The following SPATS2L variants were observed in gnomAD, a reference collection of about 807,000 sequenced individuals.
SPATS2L encodes the protein SPATS2-like protein.
In SPATS2L, 30 loss-of-function variants were observed where a neutral mutation model predicts 59.6. That is an observed-to-expected ratio of 0.50 (90% CI 0.38 to 0.68). SPATS2L has a LOEUF of 0.68. Among genes scored for constraint, SPATS2L ranks in the 30% least tolerant of loss-of-function variants. The pLI, the probability that SPATS2L is intolerant of heterozygous loss-of-function variation, is 0.00. For synonymous variants in SPATS2L, 252 were observed against 263.5 expected (o/e 0.96, Z 0.42); for missense variants, 615 against 700.0 (o/e 0.88, Z 1.37).
intron 6 of SPATS2L, among the ~76,000 whole-genome samples, chr2:200,421,477 A>G (rs139359687): frequency 2.0e-5 from 3 of 152,358 alleles, no homozygotes; most frequent in Non-Finnish European, 4.4e-5. Context: ...AAATGGTGAC[A>G]TGTACCAAAT....
At chr2:200,396,885 G>C (rs1433400191) in intron 3 of SPATS2L, among the ~76,000 whole-genome samples, 2 of 152,072 alleles carry the variant, frequency 1.3e-5, no homozygotes, top group African/African-American at 4.8e-5. Flanking sequence ...CATAGGAAAG[G>C]GTCATTAAAT....
At chr2:200,373,285 AAAAAAAAG>A (rs2081491887) in intron 2 of SPATS2L, 1 of 151,748 alleles carries the variant, frequency 6.6e-6, no homozygotes, top group South Asian at 2.1e-4. Context: ...AAAAAAAAAA[AAAAAAAAG>A]AACAAAACTG....
chr2:200,351,834 C>G (rs1235809738), intron 2 of SPATS2L, among the ~76,000 whole-genome samples: 3 of 152,102 alleles, frequency 2.0e-5, no homozygotes, highest in Non-Finnish European at 2.9e-5. Flanking sequence ...TATAAATCCC[C>G]TGCTCCTTGA....
intron 10 of SPATS2L, 114 bp from the exon 11 acceptor site, chr2:200,469,798 TCC>T: frequency 1.3e-6 from 1 of 741,298 alleles, no homozygotes; most frequent in African/African-American, 1.8e-5. Context: ...GCTGGAAAGA[TCC>T]CCACCAGGTC....
chr2:200,341,336 C>T (rs758450629), intron 2 of SPATS2L, among the ~76,000 whole-genome samples: 3 of 152,188 alleles, frequency 2.0e-5, no homozygotes, highest in Non-Finnish European at 2.9e-5. Flanking sequence ...TCAAGTGTGT[C>T]ATAGAACCTC....
chr2:200,436,477 C>T lies in SPATS2L; in HGVS notation c.446-2645C>T, dbSNP rs539511201. Among the ~76,000 whole-genome samples the T allele has an allele frequency of 8.5e-5, 13 of 152,084 alleles. No individual in the cohort carries two copies. In the South Asian group the frequency reaches 2.7e-3, roughly 32 times the overall value. ...TTCAGTGATTTCACTAGTAATGAGA[C>T]AGCTTTTGAGGACCTAAAAAAAATC... On this transcript the variant is annotated intron_variant, in intron 6 of 12. Coordinates refer to ENST00000409140, the MANE Select transcript of SPATS2L (RefSeq NM_001100423.2).
chr2:200,335,767 G>T (rs777367608), intron 2 of SPATS2L, among the ~76,000 whole-genome samples: 2 of 152,178 alleles, frequency 1.3e-5, no homozygotes, highest in Non-Finnish European at 2.9e-5. Flanking sequence ...GGTAGGAAAA[G>T]AAATTGATTA....
intron 8 of SPATS2L, among the ~76,000 whole-genome samples, chr2:200,455,754 C>T (rs1275329115): frequency 6.6e-6 from 1 of 152,144 alleles, no homozygotes; most frequent in Non-Finnish European, 1.5e-5. Flanking sequence ...TTGCCAAGTG[C>T]CCTCTGTCCT....
intron 2 of SPATS2L, among the ~76,000 whole-genome samples, chr2:200,364,450 G>A (rs1433049800): frequency 1.3e-5 from 2 of 152,148 alleles, no homozygotes; most frequent in African/African-American, 4.8e-5. Context: ...TTCCCACTGA[G>A]TGCCCTGTTC....
chr2:200,465,994 G>T (rs577654847), intron 9 of SPATS2L, among the ~76,000 whole-genome samples: 25 of 152,278 alleles, frequency 1.6e-4, no homozygotes, highest in Non-Finnish European at 2.6e-4. Flanking sequence ...ATCATGCCAC[G>T]GCACTCCAGC....
chr2:200,341,601 A>C (rs1266162785), intron 2 of SPATS2L, among the ~76,000 whole-genome samples: 2 of 152,100 alleles, frequency 1.3e-5, no homozygotes, highest in Admixed American at 6.6e-5. Context: ...TTTTGAAACC[A>C]CAGGAAGACC....
At chr2:200,433,899 C>T (rs973354412) in intron 6 of SPATS2L, among the ~76,000 whole-genome samples, 2 of 151,970 alleles carry the variant, frequency 1.3e-5, no homozygotes, top group Admixed American at 1.3e-4. Flanking sequence ...CAATCTTAAA[C>T]AGTTTCAGAA....
chr2:200,362,760 G>A (rs983355481), intron 2 of SPATS2L, among the ~76,000 whole-genome samples: 1 of 144,818 alleles, frequency 6.9e-6, no homozygotes, highest in African/African-American at 2.5e-5. Flanking sequence ...AGTTCAGCTA[G>A]GGGACTAGTA....
intron 2 of SPATS2L, among the ~76,000 whole-genome samples, chr2:200,341,686 C>T (rs989091694): frequency 1.3e-4 from 18 of 140,086 alleles, no homozygotes; most frequent in African/African-American, 4.5e-4. Flanking sequence ...GCAAAATTAA[C>T]TATAATTTTT....
intron 2 of SPATS2L, among the ~76,000 whole-genome samples, chr2:200,371,948 G>A (rs548217598): frequency 3.3e-5 from 5 of 152,298 alleles, no homozygotes; most frequent in African/African-American, 7.2e-5. Flanking sequence ...TAACAAAGCC[G>A]TAGATTTGAG....
chr2:200,324,190 A>T (rs2105779831), intron 1 of SPATS2L, among the ~76,000 whole-genome samples: 1 of 152,232 alleles, frequency 6.6e-6, no homozygotes, highest in South Asian at 2.1e-4. Flanking sequence ...AGACAACAGG[A>T]TTTGCTCATT....
At chr2:200,308,970 T>C (rs989995600) in intron 1 of SPATS2L, 3 of 710,300 alleles carry the variant, frequency 4.2e-6, no homozygotes, top group Non-Finnish European at 7.9e-6. Context: ...GAGTTATCTG[T>C]GGGCTTGAGA....
intron 3 of SPATS2L, chr2:200,393,249 C>T (rs1206052994): frequency 2.2e-6 from 1 of 456,808 alleles, no homozygotes; most frequent in Non-Finnish European, 4.4e-6. Flanking sequence ...CCCTGCAAAA[C>T]ATGGCTGGTG....
At chr2:200,312,627 C>G (rs903055169) in intron 1 of SPATS2L, among the ~76,000 whole-genome samples, 1 of 152,164 alleles carries the variant, frequency 6.6e-6, no homozygotes, top group South Asian at 2.1e-4. Flanking sequence ...AGTACATGCT[C>G]CTATTACTCC....
Sources: gnomAD v4.1 joint callset for allele counts (sites outside exome capture counted in the v4.1 genomes callset) on GRCh38, gnomAD v4.1.1 for gene constraint, MANE v1.5 for transcripts, NCBI Gene and HGNC (gene_info 2026-07-23, HGNC 2026-07-21) for gene names.